Variants in TMEM200A observed in about 807,000 individuals in gnomAD.
TMEM200A encodes two transmembrane C.
A neutral mutation model predicts 24.3 loss-of-function variants in TMEM200A; 12 were observed. That is an observed-to-expected ratio of 0.49 (90% CI 0.32 to 0.80). The LOEUF (loss-of-function observed/expected upper bound fraction) is 0.80. Among genes scored for constraint, TMEM200A ranks in the 30% least tolerant of loss-of-function variants. TMEM200A has a pLI of 0.04. For synonymous variants in TMEM200A, 224 were observed against 224.4 expected, an observed-to-expected ratio of 1.00 and a Z score of 0.02; for missense variants, 545 against 614.4, an observed-to-expected ratio of 0.89 and a Z score of 1.19.
rs898984189 is a variant in TMEM200A at position 130,366,224 on chromosome 6, C to T, written c.-381C>T. On this transcript the variant is annotated 5_prime_UTR_variant, in exon 1 of 3. Coordinates refer to ENST00000296978, the MANE Select transcript of TMEM200A (RefSeq NM_001258277.2). The surrounding 1 kb of genome is among the most constrained non-coding windows in gnomAD (Gnocchi z 4.4). The stretch of plus-strand genomic sequence containing the variant: ...CACCGGCAGCGGCGCATCCCCTGCC[C>T]CGAGGCCTCCGGTGCCCCCCCGGCG... 1.0e-6 allele frequency: 1 copy of T among 985,242 alleles called. No individual in the cohort carries two copies. Among genetic ancestry groups the T allele is most frequent in the African/African-American group, 1.7e-5 (1 of 57,232 alleles). The allele number at this position is 985,242 out of a possible 1,614,324, so 61.0% of individuals were successfully genotyped here.
chr6:130,404,385 T>C (rs1311813635), intron 2 of TMEM200A, among the ~76,000 whole-genome samples: 1 of 152,192 alleles, frequency 6.6e-6, no homozygotes, highest in Admixed American at 6.5e-5. Context: ...TAGTGTGAGA[T>C]GGTATCTCAC....
chr6:130,394,306 G>T (rs962242152), intron 2 of TMEM200A, among the ~76,000 whole-genome samples: 1 of 152,144 alleles, frequency 6.6e-6, no homozygotes, highest in African/African-American at 2.4e-5. Context: ...TGTGATTTTT[G>T]CTGTTTCACA....
chr6:130,404,523 GTTGT>G (rs961542623), intron 2 of TMEM200A, among the ~76,000 whole-genome samples: 5 of 151,976 alleles, frequency 3.3e-5, no homozygotes, highest in African/African-American at 1.2e-4. Context: ...TTTTAATGGG[GTTGT>G]TTTTCTCTTG....
intron 1 of TMEM200A, among the ~76,000 whole-genome samples, chr6:130,374,389 C>A (rs1778393450): frequency 7.0e-6 from 1 of 142,248 alleles, no homozygotes; most frequent in Admixed American, 7.1e-5. Context: ...TCTGAAAATG[C>A]CTGAGTTTTT....
intron 2 of TMEM200A, among the ~76,000 whole-genome samples, chr6:130,410,463 T>C (rs1360783219): frequency 6.6e-6 from 1 of 152,232 alleles, no homozygotes; most frequent in African/African-American, 2.4e-5. Flanking sequence ...AGGGAATATA[T>C]AGCAGTTGCT....
chr6:130,421,113 A>G (rs1779573081), intron 2 of TMEM200A: 1 of 152,186 alleles, frequency 6.6e-6, no homozygotes, highest in African/African-American at 2.4e-5. Context: ...GTGGCTCTCA[A>G]ACCTCAGCAG....
intron 2 of TMEM200A, among the ~76,000 whole-genome samples, chr6:130,417,931 A>G (rs1779496892): frequency 6.6e-6 from 1 of 152,220 alleles, no homozygotes; most frequent in South Asian, 2.1e-4. Flanking sequence ...GCACACATCC[A>G]TAAGCCTGTT....
At chr6:130,396,217 T>C (rs1778949105) in intron 2 of TMEM200A, among the ~76,000 whole-genome samples, 1 of 152,148 alleles carries the variant, frequency 6.6e-6, no homozygotes. Flanking sequence ...TAATGGGTGC[T>C]CTGAAAATGC....
chr6:130,371,970 A>T (rs1238939198), intron 1 of TMEM200A, among the ~76,000 whole-genome samples: 1 of 152,262 alleles, frequency 6.6e-6, no homozygotes, highest in East Asian at 1.9e-4. Flanking sequence ...ACGTAAGCTC[A>T]CTAAATCTTC....
At chr6:130,426,254 G>GAAAC (rs1303694531) in intron 2 of TMEM200A, among the ~76,000 whole-genome samples, 2 of 152,138 alleles carry the variant, frequency 1.3e-5, no homozygotes, top group African/African-American at 4.8e-5. Flanking sequence ...AGGCCTTGAT[G>GAAAC]AAACAGACCC....
chr6:130,403,350 G>T (rs1472913818), intron 2 of TMEM200A, among the ~76,000 whole-genome samples: 1 of 152,046 alleles, frequency 6.6e-6, no homozygotes, highest in Non-Finnish European at 1.5e-5. Flanking sequence ...ATACCAAGTA[G>T]ATTTTAGATA....
intron 2 of TMEM200A, among the ~76,000 whole-genome samples, chr6:130,426,743 G>A (rs1468460158): frequency 2.0e-5 from 3 of 152,166 alleles, no homozygotes; most frequent in East Asian, 3.9e-4. Context: ...TCAATAAGTC[G>A]GGATGACCCA....
intron 2 of TMEM200A, chr6:130,439,584 G>T (rs1364972806): frequency 6.6e-6 from 1 of 152,196 alleles, no homozygotes; most frequent in Non-Finnish European, 1.5e-5. Flanking sequence ...ATAGACTTGG[G>T]ACTCATTAGC....
At chr6:130,375,294 G>A (rs887564060) in intron 1 of TMEM200A, among the ~76,000 whole-genome samples, 8 of 152,094 alleles carry the variant, frequency 5.3e-5, no homozygotes, top group African/African-American at 1.7e-4. Flanking sequence ...CAACAATAAC[G>A]CAGAACACTG....
chr6:130,405,067 G>C (rs891065502), intron 2 of TMEM200A, among the ~76,000 whole-genome samples: 7 of 152,130 alleles, frequency 4.6e-5, no homozygotes, highest in Admixed American at 2.0e-4. Context: ...CTGTAGTATA[G>C]TTTGAAGTCA....
chr6:130,396,995 G>T (rs907635058), intron 2 of TMEM200A, among the ~76,000 whole-genome samples: 2 of 151,972 alleles, frequency 1.3e-5, no homozygotes, highest in Non-Finnish European at 2.9e-5. Flanking sequence ...TCTTATGTAC[G>T]TTTAAGTTTA....
chr6:130,429,524 G>A (rs1779825950), intron 2 of TMEM200A, among the ~76,000 whole-genome samples: 1 of 152,064 alleles, frequency 6.6e-6, no homozygotes, highest in African/African-American at 2.4e-5. Flanking sequence ...TAATATAGGT[G>A]GTAGTATTTC....
chr6:130,392,346 CCTCA>C (rs1394545802), intron 2 of TMEM200A, among the ~76,000 whole-genome samples: 5 of 152,142 alleles, frequency 3.3e-5, no homozygotes, highest in African/African-American at 1.2e-4. Context: ...TTACTTTTGC[CCTCA>C]CTATTTCCCT....
At chr6:130,399,649 A>T (rs1258278668) in intron 2 of TMEM200A, among the ~76,000 whole-genome samples, 3 of 150,410 alleles carry the variant, frequency 2.0e-5, no homozygotes, top group Non-Finnish European at 4.4e-5. Flanking sequence ...TCTTTTATTT[A>T]TTCCCTATTT....
Sources: gnomAD v4.1 joint callset for allele counts (sites outside exome capture counted in the v4.1 genomes callset) on GRCh38, gnomAD v4.1.1 for gene constraint, Gnocchi (gnomAD v3.1) non-coding constraint, MANE v1.5 for transcripts, NCBI Gene and HGNC (gene_info 2026-07-23, HGNC 2026-07-21) for gene names.